Variants in CENPE observed in about 807,000 individuals in gnomAD.
CENPE encodes the protein centromere protein E, also known as centromere-associated protein E.
A neutral mutation model predicts 336.1 loss-of-function variants in CENPE; 145 were observed. The observed-to-expected ratio is 0.43, with a 90% CI of 0.38 to 0.50. CENPE has a LOEUF of 0.50. CENPE is among the 20% of genes least tolerant of loss of function. The pLI is 0.00. For synonymous variants in CENPE, 1,013 were observed against 984.8 expected, an observed-to-expected ratio of 1.03 and a Z score of -0.54; for missense variants, 2,719 against 3,023.3, an observed-to-expected ratio of 0.90 and a Z score of 2.36.
At chr4:103,187,660 G>C (rs1756908441) in intron 8 of CENPE, among the ~76,000 whole-genome samples, 1 of 152,154 alleles carries the variant, frequency 6.6e-6, no homozygotes, top group Non-Finnish European at 1.5e-5. Context: ...ACTAAACATG[G>C]AAAGGAACAA....
chr4:103,112,100 T>C (rs1440244045), intron 46 of CENPE, among the ~76,000 whole-genome samples: 2 of 151,764 alleles, frequency 1.3e-5, no homozygotes, highest in African/African-American at 4.8e-5. Context: ...GCAAAAAATA[T>C]GTGCATATAC....
At chr4:103,155,336 G>T (rs1753878561) in intron 24 of CENPE, among the ~76,000 whole-genome samples, 2 of 151,864 alleles carry the variant, frequency 1.3e-5, no homozygotes, top group African/African-American at 2.4e-5. Flanking sequence ...TTTAGACAGG[G>T]TCTCACTCTG....
At chr4:103,177,472 A>T (rs1167865655) in intron 13 of CENPE, among the ~76,000 whole-genome samples, 2 of 151,044 alleles carry the variant, frequency 1.3e-5, no homozygotes, top group Non-Finnish European at 2.9e-5. Context: ...ATCTTATTTG[A>T]CTCTCTCGGC....
At chr4:103,112,447 TTATA>T (rs1002612245) in intron 46 of CENPE, among the ~76,000 whole-genome samples, 2 of 145,376 alleles carry the variant, frequency 1.4e-5, no homozygotes, top group Non-Finnish European at 3.0e-5. Flanking sequence ...ATACATATAC[TTATA>T]TATACATATC....
At chr4:103,174,336 C>A (rs1257802104) in intron 16 of CENPE, among the ~76,000 whole-genome samples, 19 of 151,856 alleles carry the variant, frequency 1.3e-4, no homozygotes, top group Admixed American at 1.2e-3. Flanking sequence ...TTATTGGAGG[C>A]TGGGGTGTTT....
rs372091744 is a variant in CENPE at position 103,138,314 on chromosome 4, C to G, written c.6303+37G>C. 63 of 1,395,812 alleles carry G rather than the reference C, an allele frequency of 4.5e-5. No homozygotes were observed. In the African/African-American group the frequency reaches 8.3e-4, roughly 18 times the overall value. The allele number at this position is 1,395,812 out of a possible 1,614,324, so 86.5% of individuals were successfully genotyped here. ...GTTTCGGTAAGCCTTTGGAAGACAA[C>G]CAATAATCATTTGTAGTTTTAACAG... On this transcript the variant is annotated intron_variant, in intron 39 of 48. Coordinates refer to ENST00000265148, the MANE Select transcript of CENPE (RefSeq NM_001813.3).
chr4:103,171,127 A>G (rs1755371127), intron 16 of CENPE, among the ~76,000 whole-genome samples: 1 of 152,126 alleles, frequency 6.6e-6, no homozygotes, highest in African/African-American at 2.4e-5. Flanking sequence ...ATTCAGACAG[A>G]AAATCAACAA....
chr4:103,186,195 C>A lies in CENPE; in HGVS notation c.694-334G>T, dbSNP rs1756752918. Among the ~76,000 whole-genome samples, 3 of 152,196 alleles carry A rather than the reference C, an allele frequency of 2.0e-5. No individual in the cohort carries two copies. In the South Asian group the frequency reaches 6.2e-4, roughly 32 times the overall value. On this transcript the variant is annotated intron_variant, in intron 8 of 48. Coordinates refer to ENST00000265148, the MANE Select transcript of CENPE (RefSeq NM_001813.3). ...TCCCTTATTCTTACCTCTAGCTGAACTACTCACTATTCCCCAAACACCCCA... is the reference window on the plus strand; with the variant it reads ...TCCCTTATTCTTACCTCTAGCTGAAATACTCACTATTCCCCAAACACCCCA...
intron 42 of CENPE, among the ~76,000 whole-genome samples, chr4:103,126,691 AC>A (rs1751135002): frequency 6.6e-6 from 1 of 152,230 alleles, no homozygotes; most frequent in African/African-American, 2.4e-5. Context: ...AAAGCAGACG[AC>A]TTGCAAGAAC....
At chr4:103,187,513 A>C (rs991955321) in intron 8 of CENPE, among the ~76,000 whole-genome samples, 1 of 152,224 alleles carries the variant, frequency 6.6e-6, no homozygotes, top group Non-Finnish European at 1.5e-5. Flanking sequence ...TAAAGAAAAG[A>C]ATATTCAACC....
At chr4:103,177,690 C>A (rs1755989501) in intron 13 of CENPE, among the ~76,000 whole-genome samples, 1 of 151,932 alleles carries the variant, frequency 6.6e-6, no homozygotes, top group Non-Finnish European at 1.5e-5. Flanking sequence ...AGAGCCTATC[C>A]ATGCAACCAT....
chr4:103,196,049 C>T lies in CENPE; in HGVS notation c.239-11G>A, dbSNP rs764256541. The T allele has an allele frequency of 3.1e-6, 5 of 1,601,368 alleles. No individual in the cohort carries two copies. The highest frequency in any genetic ancestry group is 4.3e-6 in the Non-Finnish European group (5 of 1,168,564). On this transcript the variant is annotated splice_polypyrimidine_tract_variant and intron_variant, in intron 3 of 48. Coordinates refer to ENST00000265148, the MANE Select transcript of CENPE (RefSeq NM_001813.3). ...AGGCAAATATAGTACCTGCAAAAAA[C>T]AAAACACACATACGCAAAGATTAAA...
chr4:103,135,726 A>G (rs1179261855), intron 40 of CENPE, among the ~76,000 whole-genome samples: 1 of 151,346 alleles, frequency 6.6e-6, no homozygotes, highest in Non-Finnish European at 1.5e-5. Flanking sequence ...ACCACCACTT[A>G]AAACAATAGT....
rs769382137 is a variant in CENPE, at chr4:103,140,934, A to G, written c.5634T>C (p.His1878=). The change falls in exon 36 of 49, where the codon CAT becomes CAC. Residue 1878 remains histidine (H), a synonymous_variant. Coordinates refer to ENST00000265148, the MANE Select transcript of CENPE (RefSeq NM_001813.3). ...CAGATTTCATTTCTTCAAGGTTTTC[A>G]TGAAGTTTCTGAGCCAAATTTAAAT... ...IENLNLAQKL[H]ENLEEMKSVM... The G allele has an allele frequency of 1.9e-6, 3 of 1,612,472 alleles. No homozygotes were observed. The highest frequency in any genetic ancestry group is 2.5e-6 in the Non-Finnish European group (3 of 1,178,738).
intron 20 of CENPE, 53 bp downstream of exon 20, chr4:103,161,033 A>G (rs1438936460): frequency 7.2e-7 from 1 of 1,394,476 alleles, no homozygotes; most frequent in East Asian, 2.3e-5. Context: ...TTGTTTAGGT[A>G]CATTTCTAGA....
At chr4:103,110,519 C>A (rs1395310620) in intron 47 of CENPE, among the ~76,000 whole-genome samples, 2 of 152,120 alleles carry the variant, frequency 1.3e-5, no homozygotes, top group African/African-American at 2.4e-5. Context: ...GAGTTCCTCT[C>A]TAAGTAAAGC....
intron 8 of CENPE, among the ~76,000 whole-genome samples, chr4:103,191,684 T>G (rs370725131): frequency 4.6e-5 from 7 of 151,544 alleles, no homozygotes; most frequent in Non-Finnish European, 1.0e-4. Flanking sequence ...TTAGGAGATA[T>G]ACCTAATGTA....
intron 32 of CENPE, 54 bp from the exon 33 acceptor site, chr4:103,144,672 G>A: frequency 8.2e-7 from 1 of 1,224,980 alleles, no homozygotes; most frequent in Non-Finnish European, 1.1e-6. Flanking sequence ...TTAGGAAAAG[G>A]AAGAACTGTT....
chr4:103,172,228 T>C (rs1251977428), intron 16 of CENPE, among the ~76,000 whole-genome samples: 2 of 151,962 alleles, frequency 1.3e-5, no homozygotes, highest in African/African-American at 4.8e-5. Flanking sequence ...AAACTGAATT[T>C]AACAGCACAT....
Sources: allele counts gnomAD v4.1 joint callset (sites outside exome capture counted in the v4.1 genomes callset), GRCh38; gene constraint gnomAD v4.1.1; transcripts MANE v1.5; gene names NCBI Gene and HGNC (gene_info 2026-07-23, HGNC 2026-07-21).